Variants in GNPTAB observed in about 807,000 individuals in gnomAD.
GNPTAB encodes the protein N-acetylglucosamine-1-phosphate transferase subunits alpha and beta, also known as N-acetylglucosamine-1-phosphotransferase subunits alpha/beta.
In GNPTAB, 92 loss-of-function variants were observed where a neutral mutation model predicts 136.6. The observed-to-expected ratio is 0.67, with a 90% CI of 0.57 to 0.80. The LOEUF (loss-of-function observed/expected upper bound fraction) is 0.80, where lower values mean the gene tolerates loss of function less well. Ranked by LOEUF, GNPTAB falls within the 30% of genes least tolerant of loss-of-function variation. The pLI, the probability that GNPTAB is intolerant of heterozygous loss-of-function variation, is 0.00. For synonymous variants in GNPTAB, 512 were observed against 535.1 expected (o/e 0.96, Z 0.60); for missense variants, 1,343 against 1,501.8 (o/e 0.89, Z 1.75).
At chr12:101,827,670 A>G (rs187926730) in intron 1 of GNPTAB, among the ~76,000 whole-genome samples, 4 of 152,290 alleles carry the variant, frequency 2.6e-5, no homozygotes, top group Admixed American at 2.0e-4. Flanking sequence ...ACAGTTAACA[A>G]TGATCTTCTG....
intron 1 of GNPTAB, among the ~76,000 whole-genome samples, chr12:101,810,152 G>A (rs1164067003): frequency 6.6e-6 from 1 of 151,952 alleles, no homozygotes; most frequent in African/African-American, 2.4e-5. Context: ...GAGGCTGAGG[G>A]AAGGAAGATC....
intron 1 of GNPTAB, among the ~76,000 whole-genome samples, chr12:101,802,721 C>T (rs958484048): frequency 6.6e-5 from 10 of 152,168 alleles, no homozygotes; most frequent in African/African-American, 2.4e-4. Flanking sequence ...TGAATCTACT[C>T]AAGTAGCCTT....
At chr12:101,817,139 A>G (rs1870549025) in intron 1 of GNPTAB, among the ~76,000 whole-genome samples, 1 of 152,142 alleles carries the variant, frequency 6.6e-6, no homozygotes, top group Admixed American at 6.6e-5. Context: ...GGGCAACTGT[A>G]ATTAACAATA....
chr12:101,754,729 T>G (rs1322451507), intron 18 of GNPTAB, among the ~76,000 whole-genome samples: 2 of 130,202 alleles, frequency 1.5e-5, no homozygotes. Context: ...TGAAGTAGAT[T>G]CGCCAAAATT....
At chr12:101,794,346 A>C (rs1869159957) in intron 2 of GNPTAB, among the ~76,000 whole-genome samples, 1 of 152,102 alleles carries the variant, frequency 6.6e-6, no homozygotes, top group African/African-American at 2.4e-5. Context: ...CAGAGCAAAC[A>C]ACCTTAAAAA....
chr12:101,757,211 C>T lies in GNPTAB; in HGVS notation c.3434+1G>A, dbSNP rs281865036. ...TAAAAATTATATATAAAAATCAGTA[C>T]CTAGGGTTTTTTCTTATGTCATCCA... On this transcript the variant is annotated splice_donor_variant, in intron 18 of 20. Coordinates refer to ENST00000299314, the MANE Select transcript of GNPTAB (RefSeq NM_024312.5). LOFTEE classifies it high-confidence loss of function. 1 of 1,490,828 alleles carries T rather than the reference C, an allele frequency of 6.7e-7. No homozygotes were observed. The highest frequency in any genetic ancestry group is 1.1e-5 in the South Asian group (1 of 87,918). 92.3% of individuals were successfully genotyped at this position (1,490,828 alleles called of 1,614,324 possible).
rs1192394370 is a variant in GNPTAB, at chr12:101,770,191, C to T, written c.1114G>A (p.Asp372Asn). 2 of 1,613,884 alleles carry T rather than the reference C, an allele frequency of 1.2e-6. No homozygotes were observed. Among genetic ancestry groups the T allele is most frequent in the Non-Finnish European group, 1.7e-6 (2 of 1,179,932 alleles). ...NPRVTIVTHQ[D>N]VFRNLSHLPT... ...AAGTGGCTCAAATTTCGAAAAACAT[C>T]CTTTTAACAACAACAAACAAAAAAA... Residue 372 changes from aspartate (D) to asparagine (N), a missense_variant and splice_region_variant, in exon 10 of 21, where the codon GAT (aspartate) becomes AAT (asparagine). Physicochemically the swap from Asp to Asn is conservative, Grantham distance 23. Coordinates refer to ENST00000299314, the MANE Select transcript of GNPTAB (RefSeq NM_024312.5).
At chr12:101,788,694 A>G in intron 3 of GNPTAB, 105 bp from the exon 4 acceptor site, 1 of 718,230 alleles carries the variant, frequency 1.4e-6, no homozygotes, top group Non-Finnish European at 2.6e-6. Flanking sequence ...TTTTATTAGT[A>G]AAACATGGTA....
In GNPTAB at chr12:101,801,317, G is replaced by A. The variant is rs181323940; in HGVS notation, c.118-4555C>T. 1.2e-3 allele frequency among the ~76,000 whole-genome samples: 184 copies of A among 150,114 alleles called. 2 individuals are homozygous for A. The highest frequency in any genetic ancestry group is 4.1e-3 in the African/African-American group (169 of 40,912). On this transcript the variant is annotated intron_variant, in intron 1 of 20. Coordinates refer to ENST00000299314, the MANE Select transcript of GNPTAB (RefSeq NM_024312.5). ...AGCACTTTGGGAGGCAGAGGTGGGTGGATCACTTGAGCCCAGGAGTTCGAG... is the reference window on the plus strand; with the variant it reads ...AGCACTTTGGGAGGCAGAGGTGGGTAGATCACTTGAGCCCAGGAGTTCGAG...
At position 101,761,322 on chromosome 12, in the gene GNPTAB, C is replaced by T. The variant is rs1454031246; in HGVS notation, c.2940G>A (p.Thr980=). 14 of 1,613,844 alleles carry T rather than the reference C, an allele frequency of 8.7e-6. No individual in the cohort carries two copies. The highest frequency in any genetic ancestry group is 3.3e-5 in the South Asian group (3 of 91,090). The change falls in exon 15 of 21, where the codon ACG becomes ACA. Residue 980 remains threonine (T), a synonymous_variant. Coordinates refer to ENST00000299314, the MANE Select transcript of GNPTAB (RefSeq NM_024312.5). ...QDMFPEEFDK[T]SFHKVRHSED... ...CAGAATGGCGCACTTTGTGAAATGA[C>T]GTCTTGTCAAATTCTTCAGGGAACC...
At chr12:101,775,390 TCA>T (rs1341835797) in intron 7 of GNPTAB, among the ~76,000 whole-genome samples, 2 of 149,160 alleles carry the variant, frequency 1.3e-5, no homozygotes, top group Non-Finnish European at 3.0e-5. Context: ...AGACGGAGTC[TCA>T]CTCTGTCGCC....
intron 1 of GNPTAB, among the ~76,000 whole-genome samples, chr12:101,820,905 A>G (rs1220394566): frequency 6.6e-6 from 1 of 152,004 alleles, no homozygotes; most frequent in East Asian, 1.9e-4. Context: ...AAAAATTTAA[A>G]AAGTTGCTGG....
At position 101,771,135 on chromosome 12, in the gene GNPTAB, C is replaced by A. The variant is rs946939427; in HGVS notation, c.794G>T (p.Ser265Ile). 1.9e-6 allele frequency: 3 copies of A among 1,613,792 alleles called. No individual in the cohort carries two copies. Among genetic ancestry groups the A allele is most frequent in the Admixed American group, 3.3e-5 (2 of 60,006 alleles). ...GTTATTCAGTTTTAGAAGCGCTACA[C>A]TGGCCTCTGAATACAACTGCAACTA... ...VKLLQLYSEA[S>I]VALLKLNNPK... The change falls in exon 8 of 21, where the codon AGT becomes ATT. Residue 265 changes from serine (S) to isoleucine (I), a missense_variant. Coordinates refer to ENST00000299314, the MANE Select transcript of GNPTAB (RefSeq NM_024312.5).
chr12:101,784,458 T>G (rs1029005641), intron 5 of GNPTAB, among the ~76,000 whole-genome samples: 1 of 152,172 alleles, frequency 6.6e-6, no homozygotes. Context: ...AAGAGAAGTT[T>G]GTATCCATGT....
chr12:101,801,961 G>C (rs1594247434), intron 1 of GNPTAB, among the ~76,000 whole-genome samples: 2 of 152,170 alleles, frequency 1.3e-5, no homozygotes, highest in South Asian at 4.2e-4. Context: ...GCCAAGGCTG[G>C]AGGATGGCTT....
chr12:101,796,994 C>T (rs759953194), intron 1 of GNPTAB, among the ~76,000 whole-genome samples: 2 of 151,830 alleles, frequency 1.3e-5, no homozygotes, highest in African/African-American at 2.4e-5. Flanking sequence ...AATGGGGTAG[C>T]GGAATCAAAG....
intron 18 of GNPTAB, among the ~76,000 whole-genome samples, chr12:101,754,327 T>C (rs1566067782): frequency 6.6e-6 from 1 of 152,076 alleles, no homozygotes; most frequent in Non-Finnish European, 1.5e-5. Context: ...CTCGAGAGGC[T>C]GAGGCACTAG....
rs192758730 is a variant in GNPTAB at position 101,765,338 on chromosome 12, T to A, written c.1613-34A>T. Reference sequence around the variant, plus strand: ...AAAAACAGAAACATGATTTTTTTTTTAACTGGGCATTTTTCCTCTGTTTTC... The same window carrying A: ...AAAAACAGAAACATGATTTTTTTTTAAACTGGGCATTTTTCCTCTGTTTTC... On this transcript the variant is annotated intron_variant, in intron 12 of 20. Transcript: ENST00000299314. 16 of 1,394,992 alleles carry A rather than the reference T, an allele frequency of 1.1e-5. No individual in the cohort carries two copies. In the Admixed American group the frequency reaches 1.5e-4, roughly 13 times the overall value. The allele number at this position is 1,394,992 out of a possible 1,614,324, so 86.4% of individuals were successfully genotyped here.
intron 7 of GNPTAB, among the ~76,000 whole-genome samples, chr12:101,777,736 G>A (rs993668068): frequency 5.3e-5 from 8 of 152,194 alleles, no homozygotes; most frequent in African/African-American, 1.9e-4. Flanking sequence ...TTCATTCTCA[G>A]AGTACTCATA....
Sources: allele counts gnomAD v4.1 joint callset (sites outside exome capture counted in the v4.1 genomes callset), GRCh38; gene constraint gnomAD v4.1.1; transcripts MANE v1.5; gene names NCBI Gene and HGNC (gene_info 2026-07-23, HGNC 2026-07-21).